Variants in FNTB observed in about 807,000 individuals in gnomAD.
FNTB encodes the protein farnesyltransferase, CAAX box, subunit beta, also known as protein farnesyltransferase subunit beta.
FNTB carries 27 observed loss-of-function variants against 59.4 expected under a neutral mutation model. The observed-to-expected ratio is 0.45, with a 90% CI of 0.34 to 0.63. FNTB has a LOEUF of 0.63. FNTB is among the 20% of genes least tolerant of loss of function. The pLI is 0.02. For missense variants in FNTB, 449 were observed against 559.6 expected (o/e 0.80, Z 1.99); for synonymous variants, 230 against 220.7 (o/e 1.04, Z -0.37).
chr14:65,021,885 A>T (rs1320905469), intron 4 of FNTB: 4 of 455,048 alleles, frequency 8.8e-6, no homozygotes, highest in African/African-American at 2.0e-5. Flanking sequence ...GCCTTAAGTG[A>T]TCCGCCCACG....
chr14:64,992,905 C>G (rs1177652202), intron 1 of FNTB, among the ~76,000 whole-genome samples: 1 of 152,182 alleles, frequency 6.6e-6, no homozygotes, highest in Non-Finnish European at 1.5e-5. Flanking sequence ...GTGGCATGAT[C>G]ATGGCTCACT....
At position 65,044,294 on chromosome 14, in the gene FNTB, C is replaced by T. The variant is rs776268523; in HGVS notation, c.823-17C>T. The T allele has an allele frequency of 3.7e-6, 6 of 1,611,974 alleles. No individual in the cohort carries two copies. In the Admixed American group the frequency reaches 1.0e-4, roughly 27 times the overall value. On this transcript the variant is annotated splice_polypyrimidine_tract_variant and intron_variant, in intron 8 of 11. Coordinates refer to ENST00000246166, the MANE Select transcript of FNTB (RefSeq NM_002028.4). This position sits in a 1 kb window ranked among gnomAD's most constrained non-coding sequence, Gnocchi z 5.5. ...TCTTTTAGCCTACAACTGCCTTTCC[C>T]ATCTGTGTCTCCTCAGCAATGGGTG...
chr14:65,032,618 A>G lies in FNTB; in HGVS notation c.614A>G (p.Tyr205Cys). 1 of 1,613,724 alleles carries G rather than the reference A, an allele frequency of 6.2e-7. No homozygotes were observed. The change falls in exon 7 of 12, where the codon TAC becomes TGC. Residue 205 changes from tyrosine to cysteine, a missense_variant. This residue lies in a region of FNTB where 337 missense variants were observed against 479.1 expected (regional missense o/e 0.70). Transcript: ENST00000246166. This position sits in a 1 kb window ranked among gnomAD's most constrained non-coding sequence, Gnocchi z 5.0. ...VGGEVDVRSA[Y>C]CAASVASLTN... ...CGTTTCTGTCTTTCCAGAAGCGCAT[A>G]CTGTGCTGCCTCCGTAGCCTCGCTG...
At chr14:64,987,187 C>G (rs1000671066) in intron 1 of FNTB, 90 bp downstream of exon 1, 1 of 1,452,146 alleles carries the variant, frequency 6.9e-7, no homozygotes, top group Non-Finnish European at 9.5e-7. Context: ...CGGAACTCAC[C>G]GGGGAACTAC....
chr14:65,018,909 G>A (rs966726991), intron 4 of FNTB, among the ~76,000 whole-genome samples: 1 of 151,868 alleles, frequency 6.6e-6, no homozygotes, highest in African/African-American at 2.4e-5. Context: ...TCGGGAGTTT[G>A]AGACCAGCCT....
intron 3 of FNTB, among the ~76,000 whole-genome samples, chr14:65,013,355 C>T (rs769475556): frequency 3.2e-4 from 49 of 151,630 alleles, no homozygotes; most frequent in Non-Finnish European, 5.7e-4. Context: ...CAAATGAAGC[C>T]GGAAATCACG....
intron 4 of FNTB, among the ~76,000 whole-genome samples, chr14:65,020,457 G>C (rs376449415): frequency 6.6e-6 from 1 of 151,716 alleles, no homozygotes; most frequent in African/African-American, 2.4e-5. Context: ...TGAGAGTCTC[G>C]CTCTGTTGCC....
Position 65,029,997 on chromosome 14 carries a change from C to T in FNTB, c.605+2216C>T, listed in dbSNP as rs1237854321. Among the ~76,000 whole-genome samples, 3 of 152,020 alleles carry T rather than the reference C, an allele frequency of 2.0e-5. No homozygotes were observed. The highest frequency in any genetic ancestry group is 1.9e-4 in the East Asian group (1 of 5,194). On this transcript the variant is annotated intron_variant, in intron 6 of 11. Coordinates refer to ENST00000246166, the MANE Select transcript of FNTB (RefSeq NM_002028.4). The surrounding 1 kb of genome is among the most constrained non-coding windows in gnomAD (Gnocchi z 4.7). ...TGGACAAATTCAAATTTGAGAGCTG[C>T]GATGACTGGGTGGAGGGAAAGGGGG...
At chr14:65,015,761 T>C (rs1363773801) in intron 4 of FNTB, 45 bp downstream of exon 4, 1 of 1,593,068 alleles carries the variant, frequency 6.3e-7, no homozygotes, top group East Asian at 2.2e-5. Flanking sequence ...TGAAATTGTA[T>C]TTTGAGTTTG....
At position 65,012,935 on chromosome 14, in the gene FNTB, C is replaced by G. The variant is rs2061706749; in HGVS notation, c.282+546C>G. On this transcript the variant is annotated intron_variant, in intron 3 of 11. Coordinates refer to ENST00000246166, the MANE Select transcript of FNTB (RefSeq NM_002028.4). The surrounding 1 kb of genome is among the most constrained non-coding windows in gnomAD (Gnocchi z 5.0). ...GGACCAGTATAGAGAGTGGTCCTTG[C>G]AATTTAACATTACTGTTTAAGAGTA... Among the ~76,000 whole-genome samples, 1 of 152,146 alleles carries G rather than the reference C, an allele frequency of 6.6e-6. No homozygotes were observed. The highest frequency in any genetic ancestry group is 2.4e-5 in the African/African-American group (1 of 41,418).
rs1210856194 is a variant in FNTB at position 64,991,936 on chromosome 14, G to A, written c.144+4839G>A. 5.9e-5 allele frequency among the ~76,000 whole-genome samples: 9 copies of A among 152,162 alleles called. No individual in the cohort carries two copies. The East Asian group carries it at 1.2e-3, about 20-fold the overall frequency. ...ATCAGGGTATTAAGAGGCAGGTGATGTGCTGGCTTCAGGTTCGGGCAGTGG... is the reference window on the plus strand; with the variant it reads ...ATCAGGGTATTAAGAGGCAGGTGATATGCTGGCTTCAGGTTCGGGCAGTGG... On this transcript the variant is annotated intron_variant, in intron 1 of 11. Coordinates refer to ENST00000246166, the MANE Select transcript of FNTB (RefSeq NM_002028.4). This position sits in a 1 kb window ranked among gnomAD's most constrained non-coding sequence, Gnocchi z 4.4.
chr14:65,053,625 T>TAAAAAAAAAAACAAAA (rs201558638), intron 10 of FNTB, among the ~76,000 whole-genome samples: 2 of 146,242 alleles, frequency 1.4e-5, no homozygotes, highest in Admixed American at 6.7e-5. Flanking sequence ...CTTCTTTTTT[T>TAAAAAAAAAAACAAAA]TAAAAAAAAC....
intron 7 of FNTB, among the ~76,000 whole-genome samples, 180 bp from the exon 8 acceptor site, chr14:65,040,604 CTTTTTT>C (rs35890649): frequency 3.4e-5 from 4 of 117,326 alleles, no homozygotes; most frequent in African/African-American, 6.6e-5. Context: ...CCAGGCCCAG[CTTTTTT>C]TTTTTTTTTT....
intron 1 of FNTB, among the ~76,000 whole-genome samples, chr14:65,000,169 C>T (rs1001516430): frequency 6.6e-6 from 1 of 152,110 alleles, no homozygotes; most frequent in Non-Finnish European, 1.5e-5. Context: ...TAGGCTTGTA[C>T]TGGGGTAAAG....
In FNTB at chr14:65,009,940, C is replaced by T. The variant is rs923301033; in HGVS notation, c.210-2377C>T. Among the ~76,000 whole-genome samples the T allele has an allele frequency of 2.0e-5, 3 of 152,154 alleles. No individual in the cohort carries two copies. The East Asian group carries it at 5.8e-4, about 29-fold the overall frequency. On this transcript the variant is annotated intron_variant, in intron 2 of 11. Transcript: ENST00000246166. The surrounding 1 kb of genome is among the most constrained non-coding windows in gnomAD (Gnocchi z 4.2). ...GCTCTAGGGTACAGAGCAGCCTCTACCCCAGTGCTGGACAACACTCTGCCC... is the reference window on the plus strand; with the variant it reads ...GCTCTAGGGTACAGAGCAGCCTCTATCCCAGTGCTGGACAACACTCTGCCC...
rs779217722 is a variant in FNTB, at chr14:65,027,722, C to T, written c.546C>T (p.Tyr182=). 42 of 1,614,084 alleles carry T rather than the reference C, an allele frequency of 2.6e-5. No homozygotes were observed. The highest frequency in any genetic ancestry group is 3.3e-4 in the Middle Eastern group (2 of 6,084). Residue 182 remains tyrosine (Y), a synonymous_variant, in exon 6 of 12, where the codon TAC becomes TAT. Transcript: ENST00000246166. The surrounding 1 kb of genome is among the most constrained non-coding windows in gnomAD (Gnocchi z 5.7). ...INREKLLQYL[Y]SLKQPDGSFL... is the part of the protein sequence containing the mutation. ...GAGAGAAGCTTCTTCAGTATTTGTA[C>T]TCCCTGAAGCAACCTGACGGCTCCT...
rs371596429 is a variant in FNTB, at chr14:65,040,808, T to A, written c.711T>A (p.Gly237=). ...EWIARCQNWE[G]GIGGVPGMEA... is the part of the protein sequence containing the mutation. Reference sequence around the variant, plus strand: ...TTCTTAGGTGTCAGAACTGGGAAGGTGGCATTGGCGGGGTACCAGGGATGG... The same window carrying A: ...TTCTTAGGTGTCAGAACTGGGAAGGAGGCATTGGCGGGGTACCAGGGATGG... Residue 237 remains glycine (G), a synonymous_variant, in exon 8 of 12, where the codon GGT becomes GGA. Transcript: ENST00000246166. 6.2e-6 allele frequency: 10 copies of A among 1,613,232 alleles called. No individual in the cohort carries two copies. In the African/African-American group the frequency reaches 1.3e-4, roughly 22 times the overall value.
chr14:65,008,299 G>A (rs1445151310), intron 2 of FNTB, among the ~76,000 whole-genome samples: 1 of 152,196 alleles, frequency 6.6e-6, no homozygotes, highest in Non-Finnish European at 1.5e-5. Flanking sequence ...TTTGGGGGGA[G>A]GAAGTGGCTT....
At chr14:65,043,853 A>G (rs1467275620) in intron 8 of FNTB, among the ~76,000 whole-genome samples, 2 of 143,418 alleles carry the variant, frequency 1.4e-5, no homozygotes, top group Non-Finnish European at 3.0e-5. Context: ...AAAAAAAAAA[A>G]AAAAAAAGAA....
Sources: gnomAD v4.1 joint callset for allele counts (sites outside exome capture counted in the v4.1 genomes callset) on GRCh38, gnomAD v4.1.1 for gene constraint, gnomAD v4.1.1 regional missense constraint, Gnocchi (gnomAD v3.1) non-coding constraint, MANE v1.5 for transcripts, NCBI Gene and HGNC (gene_info 2026-07-23, HGNC 2026-07-21) for gene names.